Variants in SNAP47 observed in about 807,000 individuals in gnomAD.
The protein encoded by SNAP47 is synaptosomal-associated protein 47.
SNAP47 carries 20 observed loss-of-function variants against 31.4 expected under a neutral mutation model. The observed-to-expected ratio is 0.64, with a 90% CI of 0.45 to 0.93. The LOEUF is 0.93. SNAP47 is among the 40% of genes least tolerant of loss of function. The probability of loss-of-function intolerance (pLI) is 0.00; values close to 1 mark genes in which losing one functional copy is unlikely to be tolerated. For missense variants in SNAP47, 492 were observed against 528.5 expected, an observed-to-expected ratio of 0.93 and a Z score of 0.68; for synonymous variants, 194 against 213.4, an observed-to-expected ratio of 0.91 and a Z score of 0.79.
At chr1:227,766,397 G>A (rs578207423) in intron 3 of SNAP47, among the ~76,000 whole-genome samples, 1 of 152,246 alleles carries the variant, frequency 6.6e-6, no homozygotes, top group Non-Finnish European at 1.5e-5. Context: ...CACCTTCTGC[G>A]GAGCGAGACT....
intron 2 of SNAP47, among the ~76,000 whole-genome samples, chr1:227,757,256 C>T (rs1181369450): frequency 1.3e-5 from 2 of 152,200 alleles, no homozygotes; most frequent in African/African-American, 2.4e-5. Context: ...GGAGTCATCA[C>T]TGTAAAAGAA....
intron 2 of SNAP47, among the ~76,000 whole-genome samples, chr1:227,750,378 T>C (rs1471820700): frequency 1.4e-4 from 22 of 152,392 alleles, no homozygotes; most frequent in Admixed American, 1.4e-3. Flanking sequence ...CAGGCCGAGC[T>C]GCTTTCCTGG....
chr1:227,732,830 C>T (rs778171817), upstream of SNAP47: 63 of 1,606,126 alleles, frequency 3.9e-5, no homozygotes, highest in Non-Finnish European at 5.2e-5. Context: ...CTGAGCCATG[C>T]AGCCTAAAAG....
chr1:227,748,719 G>A (rs116173105), intron 2 of SNAP47, among the ~76,000 whole-genome samples: 7 of 151,344 alleles, frequency 4.6e-5, no homozygotes, highest in African/African-American at 1.5e-4. Flanking sequence ...TAATGGGGAT[G>A]GGCCCTGGCC....
chr1:227,759,773 G>T, intron 3 of SNAP47: 1 of 432,646 alleles, frequency 2.3e-6, no homozygotes, highest in Non-Finnish European at 4.1e-6. Context: ...CCTCACCAAA[G>T]CTCATGTGGA....
Position 227,780,538 on chromosome 1 carries a change from G to T in SNAP47, c.1125G>T (p.Arg375Ser). The change falls in exon 5 of 5, where the codon AGG becomes AGT. Residue 375 changes from arginine to serine, a missense_variant. By Grantham distance (110) the Arg-to-Ser change is moderately radical. Coordinates refer to ENST00000617596, the MANE Select transcript of SNAP47 (RefSeq NM_053052.4). ...GTGCTTCTCCCCAGATCCTGAGGAG[G>T]ATGAAGGGGCTGGCCCTGGAGGCCG... is the stretch of plus-strand genomic sequence containing the variant. ...DTQELTQILR[R>S]MKGLALEAES... The T allele has an allele frequency of 2.5e-6, 4 of 1,614,080 alleles. No homozygotes were observed. Among genetic ancestry groups the T allele is most frequent in the Non-Finnish European group, 3.4e-6 (4 of 1,180,034 alleles).
chr1:227,737,785 G>T (rs577731384), intron 1 of SNAP47, among the ~76,000 whole-genome samples: 2 of 152,268 alleles, frequency 1.3e-5, no homozygotes, highest in East Asian at 3.9e-4. Flanking sequence ...GGATATGAGG[G>T]CAGGGACAGG....
chr1:227,733,339 GGA>G, upstream of SNAP47: 1 of 1,460,056 alleles, frequency 6.8e-7, no homozygotes, highest in Non-Finnish European at 9.2e-7. Flanking sequence ...GCTCTGGCTG[GGA>G]GAGTGGGGAG....
At chr1:227,742,582 C>T (rs1661679901) in intron 1 of SNAP47, among the ~76,000 whole-genome samples, 1 of 152,212 alleles carries the variant, frequency 6.6e-6, no homozygotes, top group Non-Finnish European at 1.5e-5. Flanking sequence ...CCTGAAATAC[C>T]TCCCAACCAT....
chr1:227,735,778 G>T, intron 1 of SNAP47: 1 of 939,084 alleles, frequency 1.1e-6, no homozygotes, highest in Non-Finnish European at 1.3e-6. Flanking sequence ...GTGGGATCTA[G>T]CGGAGATGGT....
rs1021690654 is a variant in SNAP47, at chr1:227,780,976, G to T, written c.*303G>T. ...CACAGGCCTGGAAGAGGCCGCCCTC[G>T]TCTTGTCTCGGCTCCCTTTCATGGA... On this transcript the variant is annotated 3_prime_UTR_variant, in exon 5 of 5. Coordinates refer to ENST00000617596, the MANE Select transcript of SNAP47 (RefSeq NM_053052.4). 2.4e-5 allele frequency: 9 copies of T among 381,702 alleles called. No homozygotes were observed. Among genetic ancestry groups the T allele is most frequent in the Admixed American group, 1.7e-4 (4 of 23,848 alleles). 23.6% of individuals were successfully genotyped at this position (381,702 alleles called of 1,614,324 possible). A position where few individuals can be genotyped will look rare whatever the true frequency, so the allele number is the denominator to read the frequency against.
intron 4 of SNAP47, among the ~76,000 whole-genome samples, chr1:227,771,515 T>C (rs1313329684): frequency 1.3e-5 from 2 of 152,046 alleles, no homozygotes; most frequent in East Asian, 3.9e-4. Context: ...AGCTTGAGGG[T>C]GCCCTGTAAC....
At chr1:227,775,050 C>T (rs181330993) in intron 4 of SNAP47, among the ~76,000 whole-genome samples, 6 of 152,338 alleles carry the variant, frequency 3.9e-5, no homozygotes, top group African/African-American at 1.2e-4. Context: ...GACCCACCGC[C>T]GCGGGGGCGT....
chr1:227,766,809 G>A, intron 3 of SNAP47, 150 bp from the exon 4 acceptor site: 1 of 1,152,170 alleles, frequency 8.7e-7, no homozygotes. Flanking sequence ...GGGTGGCAAG[G>A]CAAGGCTCAC....
chr1:227,729,464 AC>A (rs1377425683), intron 1 of SNAP47, among the ~76,000 whole-genome samples: 3 of 152,004 alleles, frequency 2.0e-5, no homozygotes, highest in East Asian at 3.9e-4. Context: ...TGCCAAAACC[AC>A]CCACAGTGGT....
chr1:227,780,515 G>A lies in SNAP47; in HGVS notation c.1114-12G>A. 6.2e-7 allele frequency: 1 copy of A among 1,613,704 alleles called. No individual in the cohort carries two copies. The highest frequency in any genetic ancestry group is 8.5e-7 in the Non-Finnish European group (1 of 1,180,006). On this transcript the variant is annotated splice_polypyrimidine_tract_variant and intron_variant, in intron 4 of 4. Coordinates refer to ENST00000617596, the MANE Select transcript of SNAP47 (RefSeq NM_053052.4). ...ATGGCAGCCTCTGCTGTGATCTTGT[G>A]CTTCTCCCCAGATCCTGAGGAGGAT...
At chr1:227,769,348 G>A (rs146017487) in intron 4 of SNAP47, among the ~76,000 whole-genome samples, 30 of 152,292 alleles carry the variant, frequency 2.0e-4, no homozygotes, top group Admixed American at 3.9e-4. Flanking sequence ...AGGGCAGCAC[G>A]TTGGTCAGAT....
At position 227,759,183 on chromosome 1, in the gene SNAP47, G is replaced by A; in HGVS notation, c.686G>A (p.Arg229Lys). Residue 229 changes from arginine (R) to lysine (K), a missense_variant, in exon 3 of 5, where the codon AGG (arginine) becomes AAG (lysine). Arg to Lys is a conservative substitution (Grantham distance 26, BLOSUM62 2). Transcript: ENST00000617596. ...ACAGAGTCTCACGTTAAACCAGGGA[G>A]GCTCACCGTCCTTGTGTCTGGGTTG... The part of the protein sequence containing the change: ...HRTESHVKPG[R>K]LTVLVSGLEI... 2 of 1,614,212 alleles carry A rather than the reference G, an allele frequency of 1.2e-6. No homozygotes were observed. Among genetic ancestry groups the A allele is most frequent in the South Asian group, 1.1e-5 (1 of 91,080 alleles).
At chr1:227,767,525 ATG>A (rs965636535) in intron 4 of SNAP47, among the ~76,000 whole-genome samples, 84 of 149,124 alleles carry the variant, frequency 5.6e-4, no homozygotes, top group African/African-American at 2.0e-3. Flanking sequence ...GTGCATGTGC[ATG>A]TGTGTGTACT....
Sources: gnomAD v4.1 joint callset for allele counts (sites outside exome capture counted in the v4.1 genomes callset) on GRCh38, gnomAD v4.1.1 for gene constraint, MANE v1.5 for transcripts, NCBI Gene and HGNC (gene_info 2026-07-23, HGNC 2026-07-21) for gene names.